PRDM6: variants seen among roughly 807,000 people sequenced by gnomAD.
The protein encoded by PRDM6 is putative histone-lysine N-methyltransferase PRDM6.
A neutral mutation model predicts 60.8 loss-of-function variants in PRDM6; 25 were observed. That is an observed-to-expected ratio of 0.41 (90% CI 0.30 to 0.57). PRDM6 has a LOEUF of 0.57. Among genes scored for constraint, PRDM6 ranks in the 20% least tolerant of loss-of-function variants. The probability of loss-of-function intolerance (pLI) is 0.27; values close to 1 mark genes in which losing one functional copy is unlikely to be tolerated. For missense variants in PRDM6, 839 were observed against 821.3 expected (o/e 1.02, Z -0.26); for synonymous variants, 407 against 357.4 (o/e 1.14, Z -1.57).
In PRDM6 at chr5:123,190,227, G is replaced by T. The variant is rs1406434797; in HGVS notation, c.*3026G>T. Reference sequence around the variant, plus strand: ...TCAGAATAAGACTTTTCATCCTAGCGTATGTTCCTTTATTTAGCAGAGTCT... The same window carrying T: ...TCAGAATAAGACTTTTCATCCTAGCTTATGTTCCTTTATTTAGCAGAGTCT... On this transcript the variant is annotated 3_prime_UTR_variant, in exon 8 of 8. Transcript: ENST00000407847. 1 of 152,078 alleles carries T rather than the reference G, an allele frequency of 6.6e-6. No individual in the cohort carries two copies. The highest frequency in any genetic ancestry group is 2.4e-5 in the African/African-American group (1 of 41,404). The allele number at this position is 152,078 out of a possible 1,614,324, so 9.4% of individuals were successfully genotyped here. A position where few individuals can be genotyped will look rare whatever the true frequency, so the allele number is the denominator to read the frequency against.
At chr5:123,098,544 C>T (rs996470570) in intron 2 of PRDM6, among the ~76,000 whole-genome samples, 1 of 152,220 alleles carries the variant, frequency 6.6e-6, no homozygotes, top group Non-Finnish European at 1.5e-5. Flanking sequence ...CCTTCCAGCC[C>T]AGTTCGAGTG....
At position 123,180,172 on chromosome 5, in the gene PRDM6, C is replaced by A. The variant is rs1010436629; in HGVS notation, c.1522C>A (p.Gln508Lys). Reference protein sequence around the residue: ...DRPYQCGHCSQSFSQPSELRN... With the variant: ...DRPYQCGHCSKSFSQPSELRN... ...ACCCTACCAATGCGGCCACTGCTCC[C>A]AGTCCTTTTCCCAGCCTTCAGAACT... The change falls in exon 7 of 8, where the codon CAG becomes AAG. Residue 508 changes from glutamine (Q) to lysine (K), a missense_variant. Gln to Lys is a moderately conservative substitution (Grantham distance 53). Transcript: ENST00000407847. The A allele has an allele frequency of 1.3e-6, 2 of 1,551,220 alleles. No homozygotes were observed. Among genetic ancestry groups the A allele is most frequent in the African/African-American group, 2.7e-5 (2 of 73,036 alleles).
intron 3 of PRDM6, among the ~76,000 whole-genome samples, chr5:123,144,372 C>T (rs959497607): frequency 2.6e-5 from 4 of 152,210 alleles, no homozygotes; most frequent in Non-Finnish European, 5.9e-5. Flanking sequence ...TTTCAAACTT[C>T]ACTTAAGGAT....
In PRDM6 at chr5:123,090,198, G is replaced by A. The variant is rs182880589; in HGVS notation, c.184G>A (p.Ala62Thr). Residue 62 changes from alanine (A) to threonine (T), a missense_variant, in exon 2 of 8, where the codon GCT becomes ACT. By Grantham distance (58) the Ala-to-Thr change is moderately conservative. Coordinates refer to ENST00000407847, the MANE Select transcript of PRDM6 (RefSeq NM_001136239.4). ...PPPPPPPPER[A>T]EPPPDSLRPR... ...GCCGCCGCCCCCGCCCCCGGAGCGC[G>A]CTGAGCCTCCGCCGGACAGCCTGCG... 2.0e-3 allele frequency: 2,953 copies of A among 1,485,978 alleles called. 54 individuals carry two copies. The African/African-American group carries it at 0.039, about 20-fold the overall frequency. The allele number at this position is 1,485,978 out of a possible 1,614,324, so 92.0% of individuals were successfully genotyped here.
At chr5:123,164,256 A>T (rs75751685) in intron 5 of PRDM6, among the ~76,000 whole-genome samples, 1,911 of 152,328 alleles carry the variant, frequency 0.013, 49 homozygotes, top group African/African-American at 0.043. Context: ...AGGCTGTCTA[A>T]GTCATTCAGC....
Position 123,190,363 on chromosome 5 carries a change from T to G in PRDM6, c.*3162T>G, listed in dbSNP as rs1766384379. 1 of 152,228 alleles carries G rather than the reference T, an allele frequency of 6.6e-6. No homozygotes were observed. Among genetic ancestry groups the G allele is most frequent in the African/African-American group, 2.4e-5 (1 of 41,468 alleles). The allele number at this position is 152,228 out of a possible 1,614,324, so 9.4% of individuals were successfully genotyped here. On this transcript the variant is annotated 3_prime_UTR_variant, in exon 8 of 8. Transcript: ENST00000407847. Reference sequence around the variant, plus strand: ...CAATATCCCAAGGCAAAGTTGTATTTTCCCCAGGATATGTGCATACATTTT... The same window carrying G: ...CAATATCCCAAGGCAAAGTTGTATTGTCCCCAGGATATGTGCATACATTTT...
At chr5:123,091,239 G>C (rs1763834915) in intron 2 of PRDM6, among the ~76,000 whole-genome samples, 1 of 151,952 alleles carries the variant, frequency 6.6e-6, no homozygotes, top group Non-Finnish European at 1.5e-5. Flanking sequence ...CATTTAAAAA[G>C]AAGGAAAAGA....
At chr5:123,185,002 C>T in intron 7 of PRDM6, among the ~76,000 whole-genome samples, 1 of 152,140 alleles carries the variant, frequency 6.6e-6, no homozygotes, top group East Asian at 1.9e-4. Flanking sequence ...CTTATGCACC[C>T]TATATATTGG....
chr5:123,089,251 G>T lies in PRDM6; in HGVS notation c.-284G>T, dbSNP rs1173734940. 2.6e-5 allele frequency: 4 copies of T among 153,194 alleles called. No homozygotes were observed. Among genetic ancestry groups the T allele is most frequent in the African/African-American group, 9.7e-5 (4 of 41,382 alleles). 9.5% of individuals were successfully genotyped at this position (153,194 alleles called of 1,614,324 possible). On this transcript the variant is annotated 5_prime_UTR_variant, in exon 1 of 8. Transcript: ENST00000407847. ...TCCAGCCGGGAAGCTGCCAGAGCGT[G>T]GAACCAAGGAGCCAGGACGCGGCAG... is the stretch of plus-strand genomic sequence containing the variant.
intron 5 of PRDM6, among the ~76,000 whole-genome samples, chr5:123,170,528 A>G (rs1338218948): frequency 6.6e-6 from 1 of 152,214 alleles, no homozygotes; most frequent in Non-Finnish European, 1.5e-5. Context: ...CCATGAGGGC[A>G]AAGACCATGT....
At chr5:123,183,145 A>G (rs1484456327) in intron 7 of PRDM6, among the ~76,000 whole-genome samples, 1 of 152,236 alleles carries the variant, frequency 6.6e-6, no homozygotes, top group African/African-American at 2.4e-5. Context: ...TACTACTTCA[A>G]CTAATGGGTA....
intron 2 of PRDM6, among the ~76,000 whole-genome samples, chr5:123,094,228 C>T (rs908677051): frequency 2.6e-5 from 4 of 152,206 alleles, no homozygotes; most frequent in Non-Finnish European, 5.9e-5. Flanking sequence ...TCCCTAATCC[C>T]TTCCCACCCA....
chr5:123,142,894 A>C (rs1381646453), intron 3 of PRDM6, among the ~76,000 whole-genome samples: 1 of 149,024 alleles, frequency 6.7e-6, no homozygotes, highest in Non-Finnish European at 1.5e-5. Context: ...AAAAAAAAAA[A>C]AAAAAAAACA....
At chr5:123,162,188 G>A (rs1365840392) in intron 5 of PRDM6, among the ~76,000 whole-genome samples, 2 of 152,112 alleles carry the variant, frequency 1.3e-5, no homozygotes, top group Non-Finnish European at 1.5e-5. Context: ...CCCTCGATCT[G>A]GATCTCTGGC....
intron 3 of PRDM6, among the ~76,000 whole-genome samples, chr5:123,112,064 C>A (rs137996205): frequency 2.0e-5 from 3 of 152,248 alleles, no homozygotes; most frequent in Non-Finnish European, 4.4e-5. Flanking sequence ...TTCAGAACTC[C>A]GCCTGGCTAA....
intron 3 of PRDM6, among the ~76,000 whole-genome samples, chr5:123,155,196 T>C (rs935284022): frequency 7.2e-5 from 11 of 151,874 alleles, no homozygotes; most frequent in African/African-American, 2.7e-4. Context: ...ATTAGACAAC[T>C]CGGTTAAGAA....
At chr5:123,090,641 GCGCCGGCGC>G in intron 2 of PRDM6, 35 bp downstream of exon 2, 1 of 551,818 alleles carries the variant, frequency 1.8e-6, no homozygotes, top group Non-Finnish European at 2.7e-6. Context: ...CTCTCCCGGG[GCGCCGGCGC>G]CGGCGCCGGC....
chr5:123,112,357 C>T (rs896191686), intron 3 of PRDM6, among the ~76,000 whole-genome samples: 1 of 152,208 alleles, frequency 6.6e-6, no homozygotes, highest in Non-Finnish European at 1.5e-5. Context: ...TATGGAGAAC[C>T]CATATGTTCC....
intron 5 of PRDM6, among the ~76,000 whole-genome samples, chr5:123,168,859 G>A (rs2126882568): frequency 6.6e-6 from 1 of 152,336 alleles, no homozygotes; most frequent in East Asian, 1.9e-4. Context: ...GAGTGCTTAG[G>A]CAGCACACCT....
Sources: allele counts gnomAD v4.1 joint callset (sites outside exome capture counted in the v4.1 genomes callset), GRCh38; gene constraint gnomAD v4.1.1; transcripts MANE v1.5; gene names NCBI Gene and HGNC (gene_info 2026-07-23, HGNC 2026-07-21).